Variants in RAB8B observed in about 807,000 individuals in gnomAD.
RAB8B encodes the protein ras-related protein Rab-8B.
RAB8B carries 11 observed loss-of-function variants against 32.0 expected under a neutral mutation model. That is an observed-to-expected ratio of 0.34 (90% CI 0.22 to 0.57). The LOEUF is 0.57. RAB8B is among the 20% of genes least tolerant of loss of function. The pLI, the probability that RAB8B is intolerant of heterozygous loss-of-function variation, is 0.86. For synonymous variants in RAB8B, 103 were observed against 89.6 expected, an observed-to-expected ratio of 1.15 and a Z score of -0.85; for missense variants, 190 against 258.5, an observed-to-expected ratio of 0.73 and a Z score of 1.82.
chr15:63,249,859 G>A (rs569651319), intron 3 of RAB8B, among the ~76,000 whole-genome samples, 154 bp downstream of exon 3: 5 of 152,252 alleles, frequency 3.3e-5, no homozygotes, highest in South Asian at 4.1e-4. Flanking sequence ...TTTGGGGGCC[G>A]GGCGCGGTGG....
At chr15:63,238,714 T>A (rs2038005454) in intron 1 of RAB8B, among the ~76,000 whole-genome samples, 1 of 152,170 alleles carries the variant, frequency 6.6e-6, no homozygotes, top group African/African-American at 2.4e-5. Flanking sequence ...GCCTTTCTAT[T>A]CTATTTTTAG....
chr15:63,253,372 A>C (rs1431572999), intron 3 of RAB8B, among the ~76,000 whole-genome samples: 1 of 152,174 alleles, frequency 6.6e-6, no homozygotes, highest in African/African-American at 2.4e-5. Context: ...TTTACTTACA[A>C]AGTTGGAAGC....
At chr15:63,237,933 G>A (rs73443217) in intron 1 of RAB8B, among the ~76,000 whole-genome samples, 1,907 of 152,106 alleles carry the variant, frequency 0.013, 36 homozygotes, top group African/African-American at 0.044. Flanking sequence ...TGGGGGTCTA[G>A]TTTCATTCTT....
Position 63,262,759 on chromosome 15 carries a change from AT to A in RAB8B, c.531+22del. ...AGAAAAATGGTTTGTATCACTTATA[AT>A]TTTTATTTCCATTATGCTGTCTGTT... is the stretch of plus-strand genomic sequence containing the variant. On this transcript the variant is annotated intron_variant, in intron 7 of 7. Transcript: ENST00000321437. 1 of 1,351,376 alleles carries A rather than the reference AT, an allele frequency of 7.4e-7. No homozygotes were observed. Among genetic ancestry groups the A allele is most frequent in the South Asian group, 1.5e-5 (1 of 65,274 alleles). The allele number at this position is 1,351,376 out of a possible 1,614,324, so 83.7% of individuals were successfully genotyped here.
intron 1 of RAB8B, among the ~76,000 whole-genome samples, chr15:63,220,406 A>T (rs1028572853): frequency 3.3e-5 from 5 of 151,522 alleles, no homozygotes; most frequent in Non-Finnish European, 5.9e-5. Context: ...ATGGATTGCA[A>T]CCCTTTATTG....
intron 6 of RAB8B, among the ~76,000 whole-genome samples, chr15:63,262,061 G>A (rs1040795066): frequency 1.3e-5 from 2 of 152,182 alleles, no homozygotes; most frequent in African/African-American, 2.4e-5. Flanking sequence ...AAGAGTGAGA[G>A]CAATTTGAAA....
intron 3 of RAB8B, among the ~76,000 whole-genome samples, chr15:63,253,903 T>G (rs933796584): frequency 1.3e-5 from 2 of 152,158 alleles, no homozygotes; most frequent in African/African-American, 4.8e-5. Flanking sequence ...AAAATGGTAA[T>G]ACAAGGACAA....
In RAB8B at chr15:63,224,117, A is replaced by G. The variant is rs143583334; in HGVS notation, c.125-20639A>G. The G allele has an allele frequency of 6.1e-3, 940 of 154,416 alleles. 5 individuals are homozygous for G. The highest frequency in any genetic ancestry group is 0.021 in the African/African-American group (887 of 41,670). 9.6% of individuals were successfully genotyped at this position (154,416 alleles called of 1,614,324 possible). The stretch of plus-strand genomic sequence containing the variant: ...TATTCAAGTGATGCACGGAGCCTCA[A>G]TGATGTTGTAGAACAGTCTGCCAGC... On this transcript the variant is annotated intron_variant, in intron 1 of 7. Coordinates refer to ENST00000321437, the MANE Select transcript of RAB8B (RefSeq NM_016530.3).
chr15:63,226,889 T>TA (rs1419648541), intron 1 of RAB8B, among the ~76,000 whole-genome samples: 4 of 151,936 alleles, frequency 2.6e-5, no homozygotes, highest in African/African-American at 7.3e-5. Flanking sequence ...GGTTTTTTTT[T>TA]AAATGATATT....
At chr15:63,232,626 C>T (rs1371378552) in intron 1 of RAB8B, among the ~76,000 whole-genome samples, 1 of 152,116 alleles carries the variant, frequency 6.6e-6, no homozygotes, top group Non-Finnish European at 1.5e-5. Context: ...ATTTAATTTG[C>T]CACTTCCTAT....
chr15:63,253,848 C>T (rs909522064), intron 3 of RAB8B, among the ~76,000 whole-genome samples: 1 of 152,092 alleles, frequency 6.6e-6, no homozygotes. Context: ...AGATAACTCC[C>T]ACATGTGTGC....
intron 1 of RAB8B, among the ~76,000 whole-genome samples, chr15:63,203,270 A>G (rs375677740): frequency 3.9e-5 from 6 of 152,390 alleles, no homozygotes; most frequent in East Asian, 1.9e-4. Flanking sequence ...TGGAAAAAGT[A>G]GACATAAGAA....
intron 1 of RAB8B, among the ~76,000 whole-genome samples, chr15:63,229,874 G>A (rs887518938): frequency 3.3e-5 from 5 of 151,226 alleles, no homozygotes; most frequent in Admixed American, 2.0e-4. Flanking sequence ...TTAGTAGAGT[G>A]TCTTTATTTT....
chr15:63,236,215 G>C (rs1453946370), intron 1 of RAB8B, among the ~76,000 whole-genome samples: 1 of 152,102 alleles, frequency 6.6e-6, no homozygotes, highest in Non-Finnish European at 1.5e-5. Context: ...TTTAGCATAA[G>C]AGTCAATTCA....
intron 1 of RAB8B, among the ~76,000 whole-genome samples, chr15:63,236,465 G>T (rs1412322026): frequency 6.6e-6 from 1 of 152,162 alleles, no homozygotes; most frequent in Non-Finnish European, 1.5e-5. Flanking sequence ...TGTGTTTCCA[G>T]CTGGGTGGGC....
chr15:63,239,706 C>A (rs953729655), intron 1 of RAB8B, among the ~76,000 whole-genome samples: 1 of 152,054 alleles, frequency 6.6e-6, no homozygotes, highest in African/African-American at 2.4e-5. Context: ...CCGCACCTGG[C>A]CAAATTTCCA....
chr15:63,202,482 G>A (rs1438257207), intron 1 of RAB8B, among the ~76,000 whole-genome samples: 1 of 152,154 alleles, frequency 6.6e-6, no homozygotes, highest in Non-Finnish European at 1.5e-5. Flanking sequence ...CCCTTAGGAA[G>A]CAATCAAATA....
At chr15:63,193,220 A>T (rs1396728412) in intron 1 of RAB8B, among the ~76,000 whole-genome samples, 2 of 152,128 alleles carry the variant, frequency 1.3e-5, no homozygotes, top group Non-Finnish European at 2.9e-5. Flanking sequence ...ACAGAGCAAG[A>T]TTCTGTCTCT....
At chr15:63,227,037 T>G (rs943723789) in intron 1 of RAB8B, among the ~76,000 whole-genome samples, 12 of 152,190 alleles carry the variant, frequency 7.9e-5, no homozygotes, top group Non-Finnish European at 1.6e-4. Flanking sequence ...GTCACTCTTG[T>G]GGCCATTTTG....
Sources: allele counts gnomAD v4.1 joint callset (sites outside exome capture counted in the v4.1 genomes callset), GRCh38; gene constraint gnomAD v4.1.1; transcripts MANE v1.5; gene names NCBI Gene and HGNC (gene_info 2026-07-23, HGNC 2026-07-21).